Variants in ICA1 observed in about 807,000 individuals in gnomAD.
ICA1 encodes islet cell autoantigen 1.
A neutral mutation model predicts 71.0 loss-of-function variants in ICA1; 40 were observed. The observed-to-expected ratio is 0.56, with a 90% CI of 0.44 to 0.73. The LOEUF (loss-of-function observed/expected upper bound fraction) is 0.73. ICA1 is among the 30% of genes least tolerant of loss of function. ICA1 has a pLI of 0.00. For synonymous variants in ICA1, 207 were observed against 209.5 expected (o/e 0.99, Z 0.10); for missense variants, 578 against 576.5 (o/e 1.00, Z -0.03).
At chr7:8,153,744 C>A (rs967417132) in intron 8 of ICA1, among the ~76,000 whole-genome samples, 4 of 151,548 alleles carry the variant, frequency 2.6e-5, no homozygotes, top group African/African-American at 7.3e-5. Flanking sequence ...CCATTCCTAG[C>A]CCCATGACTC....
chr7:8,193,827 C>A (rs1382527671), intron 6 of ICA1, among the ~76,000 whole-genome samples: 1 of 152,014 alleles, frequency 6.6e-6, no homozygotes, highest in African/African-American at 2.4e-5. Flanking sequence ...ACAGAGAGAC[C>A]AAAACCAATA....
intron 3 of ICA1, among the ~76,000 whole-genome samples, chr7:8,231,514 T>A (rs1370134528): frequency 6.6e-6 from 1 of 152,342 alleles, no homozygotes; most frequent in East Asian, 1.9e-4. Context: ...CCTACTTTAA[T>A]CTTGATAATA....
At chr7:8,213,325 G>A (rs376281003) in intron 6 of ICA1, among the ~76,000 whole-genome samples, 26 of 152,300 alleles carry the variant, frequency 1.7e-4, no homozygotes, top group African/African-American at 6.3e-4. Context: ...AAAGTCCTGA[G>A]AGATATTAGC....
chr7:8,119,051 A>G (rs1785770643), intron 13 of ICA1, among the ~76,000 whole-genome samples: 1 of 152,224 alleles, frequency 6.6e-6, no homozygotes, highest in Non-Finnish European at 1.5e-5. Context: ...CACCATTTCT[A>G]TTAGAATCAC....
At chr7:8,182,874 T>C (rs1201102920) in intron 6 of ICA1, among the ~76,000 whole-genome samples, 2 of 152,228 alleles carry the variant, frequency 1.3e-5, no homozygotes, top group Admixed American at 6.5e-5. Context: ...AATCTCCACA[T>C]GGGGAGATTA....
At chr7:8,189,757 C>T (rs1255830764) in intron 6 of ICA1, among the ~76,000 whole-genome samples, 5 of 151,582 alleles carry the variant, frequency 3.3e-5, no homozygotes, top group Admixed American at 6.6e-5. Context: ...CTTGAGCAGA[C>T]CAGGAGTGTG....
At chr7:8,261,285 G>C (rs999149571) in intron 1 of ICA1, among the ~76,000 whole-genome samples, 2 of 152,178 alleles carry the variant, frequency 1.3e-5, no homozygotes, top group African/African-American at 4.8e-5. Flanking sequence ...AGGTGCTTTG[G>C]GGGTACTACA....
At chr7:8,248,800 T>C (rs940426423) in intron 1 of ICA1, among the ~76,000 whole-genome samples, 4 of 152,146 alleles carry the variant, frequency 2.6e-5, no homozygotes, top group Non-Finnish European at 4.4e-5. Context: ...TGCAAAGTGG[T>C]ACATTAGAAA....
chr7:8,190,197 T>C (rs1257215049), intron 6 of ICA1, among the ~76,000 whole-genome samples: 12 of 152,110 alleles, frequency 7.9e-5, no homozygotes, highest in Admixed American at 1.3e-4. Flanking sequence ...AGAAAGTAAA[T>C]TGAATTCTCA....
intron 5 of ICA1, among the ~76,000 whole-genome samples, chr7:8,219,308 C>G (rs528874019): frequency 6.6e-6 from 1 of 152,340 alleles, no homozygotes; most frequent in South Asian, 2.1e-4. Context: ...TTAAAATATA[C>G]TCTTCTTCAT....
chr7:8,231,366 T>C (rs537568083), intron 3 of ICA1, among the ~76,000 whole-genome samples: 2 of 152,176 alleles, frequency 1.3e-5, no homozygotes, highest in African/African-American at 2.4e-5. Flanking sequence ...AGAGATACCA[T>C]ATGGAATGCA....
chr7:8,176,646 G>A (rs571848484), intron 6 of ICA1, among the ~76,000 whole-genome samples: 3 of 152,116 alleles, frequency 2.0e-5, no homozygotes, highest in African/African-American at 7.2e-5. Flanking sequence ...CACTCCTCAG[G>A]CCTTGCTTTT....
chr7:8,132,092 A>G lies in ICA1; in HGVS notation c.1061-3950T>C, dbSNP rs1791648991. On this transcript the variant is annotated intron_variant, in intron 12 of 13. Coordinates refer to ENST00000402384, the MANE Select transcript of ICA1 (RefSeq NM_001136020.3). The surrounding 1 kb of genome is among the most constrained non-coding windows in gnomAD (Gnocchi z 4.5). ...AAGTCTCTGTGTTTACTTGCTTACC[A>G]GATAACCTAACTACAGACACTGCTG... Among the ~76,000 whole-genome samples, 1 of 152,206 alleles carries G rather than the reference A, an allele frequency of 6.6e-6. No homozygotes were observed. The highest frequency in any genetic ancestry group is 1.5e-5 in the Non-Finnish European group (1 of 68,040).
At chr7:8,233,628 T>A (rs1349848529) in intron 2 of ICA1, among the ~76,000 whole-genome samples, 1 of 152,048 alleles carries the variant, frequency 6.6e-6, no homozygotes, top group African/African-American at 2.4e-5. Context: ...ACTCCTGACC[T>A]CAGATGATCC....
At chr7:8,235,535 T>C (rs79890316) in intron 2 of ICA1, among the ~76,000 whole-genome samples, 266 of 152,358 alleles carry the variant, frequency 1.7e-3, no homozygotes, top group African/African-American at 6.2e-3. Context: ...TTCTTTATTT[T>C]ATAGCTACCC....
At chr7:8,114,198 A>G (rs1562474810) in intron 13 of ICA1, 154 bp from the exon 14 acceptor site, 1 of 789,738 alleles carries the variant, frequency 1.3e-6, no homozygotes, top group Non-Finnish European at 2.0e-6. Flanking sequence ...GGGAATTCCA[A>G]CTCCCGTGGC....
chr7:8,217,718 T>G lies in ICA1; in HGVS notation c.579+587A>C, dbSNP rs551967071. 7.2e-5 allele frequency among the ~76,000 whole-genome samples: 11 copies of G among 152,318 alleles called. No homozygotes were observed. The South Asian group carries it at 2.3e-3, about 32-fold the overall frequency. Reference sequence around the variant, plus strand: ...AAATCAAACTGCTAAATTGACACAATTAAAAAACCAACAAGATTGTTCTTT... The same window carrying G: ...AAATCAAACTGCTAAATTGACACAAGTAAAAAACCAACAAGATTGTTCTTT... On this transcript the variant is annotated intron_variant, in intron 6 of 13. Coordinates refer to ENST00000402384, the MANE Select transcript of ICA1 (RefSeq NM_001136020.3).
chr7:8,124,598 G>A (rs769125630), intron 13 of ICA1, among the ~76,000 whole-genome samples: 3 of 152,088 alleles, frequency 2.0e-5, no homozygotes, highest in Non-Finnish European at 4.4e-5. Flanking sequence ...TAACAAACAC[G>A]TGTTGAAGGA....
intron 8 of ICA1, among the ~76,000 whole-genome samples, chr7:8,146,857 TACAC>T (rs112979260): frequency 0.21 from 26,816 of 125,128 alleles, 2,832 homozygotes; most frequent in African/African-American, 0.32. Context: ...TTTATTCATG[TACAC>T]ACACACACAC....
Sources: allele counts gnomAD v4.1 joint callset (sites outside exome capture counted in the v4.1 genomes callset), GRCh38; gene constraint gnomAD v4.1.1; non-coding constraint Gnocchi (gnomAD v3.1); transcripts MANE v1.5; gene names NCBI Gene and HGNC (gene_info 2026-07-23, HGNC 2026-07-21).